The following ASH1L variants were observed in gnomAD, a reference collection of about 807,000 sequenced individuals.
The protein encoded by ASH1L is ASH1 like histone lysine methyltransferase, also known as histone-lysine N-methyltransferase ASH1L.
In ASH1L, 23 loss-of-function variants were observed where a neutral mutation model predicts 269.0. The ratio of observed to expected loss-of-function variants is 0.09; its 90% CI spans 0.06 to 0.12. The LOEUF (loss-of-function observed/expected upper bound fraction) is 0.12. Ranked by LOEUF, ASH1L falls within the 10% of genes least tolerant of loss-of-function variation. ASH1L has a pLI of 1.00. For synonymous variants in ASH1L, 1,187 were observed against 1,253.5 expected, an observed-to-expected ratio of 0.95 and a Z score of 1.12; for missense variants, 2,912 against 3,567.8, an observed-to-expected ratio of 0.82 and a Z score of 4.68.
rs566899442 is a variant in ASH1L, at chr1:155,441,486, G to A, written c.5087-2418C>T. 8.2e-5 allele frequency among the ~76,000 whole-genome samples: 9 copies of A among 110,006 alleles called. No homozygotes were observed. In the South Asian group the frequency reaches 2.6e-3, roughly 32 times the overall value. The allele number at this position is 110,006 out of a possible 152,430, so 72.2% of individuals were successfully genotyped here. ...TTTTTTTTTTTTTTTTTTTTGAGAC[G>A]GAGTCTTGCTCTGTCACCCAGGCTG... On this transcript the variant is annotated intron_variant, in intron 4 of 27. Transcript: ENST00000392403.
chr1:155,399,973 G>A (rs970358284), intron 6 of ASH1L, among the ~76,000 whole-genome samples: 1 of 152,122 alleles, frequency 6.6e-6, no homozygotes, highest in East Asian at 1.9e-4. Context: ...CACAAGATAA[G>A]GGTGGGACTT....
intron 6 of ASH1L, among the ~76,000 whole-genome samples, chr1:155,409,642 T>C (rs997570739): frequency 2.6e-5 from 4 of 152,164 alleles, no homozygotes; most frequent in Non-Finnish European, 4.4e-5. Flanking sequence ...TTTATTTTTA[T>C]TTTTGTAGAG....
intron 5 of ASH1L, among the ~76,000 whole-genome samples, chr1:155,429,519 T>G (rs1661447543): frequency 6.6e-6 from 1 of 152,134 alleles, no homozygotes; most frequent in Admixed American, 6.6e-5. Context: ...ACGCCTCGGC[T>G]TCCAAAATTG....
intron 25 of ASH1L, 89 bp from the exon 26 acceptor site, chr1:155,339,457 T>A: frequency 8.7e-7 from 1 of 1,145,792 alleles, no homozygotes; most frequent in Non-Finnish European, 1.3e-6. Context: ...AGGAACACAG[T>A]AGGGCAGTAG....
At chr1:155,500,472 C>T (rs571401430) in intron 2 of ASH1L, among the ~76,000 whole-genome samples, 207 of 152,174 alleles carry the variant, frequency 1.4e-3, no homozygotes, top group Non-Finnish European at 2.3e-3. Context: ...GGTCTTCTTG[C>T]TTGAATAGCA....
intron 7 of ASH1L, among the ~76,000 whole-genome samples, chr1:155,381,549 CA>C (rs879280343): frequency 4.2e-5 from 6 of 142,678 alleles, no homozygotes; most frequent in Non-Finnish European, 9.1e-5. Flanking sequence ...GACTCCGTCT[CA>C]AAAAAAAACA....
intron 4 of ASH1L, among the ~76,000 whole-genome samples, chr1:155,443,505 A>G (rs1662759891): frequency 6.6e-6 from 1 of 152,242 alleles, no homozygotes; most frequent in Non-Finnish European, 1.5e-5. Context: ...GAGTTTTGAA[A>G]AATTTACCAT....
At chr1:155,376,617 T>G (rs1287386915) in intron 10 of ASH1L, among the ~76,000 whole-genome samples, 1 of 152,038 alleles carries the variant, frequency 6.6e-6, no homozygotes, top group Admixed American at 6.6e-5. Flanking sequence ...AAGTGGAGGT[T>G]GCAGTGAGCT....
chr1:155,417,427 T>A (rs929399522), intron 5 of ASH1L, among the ~76,000 whole-genome samples: 6 of 152,186 alleles, frequency 3.9e-5, no homozygotes, highest in African/African-American at 1.4e-4. Flanking sequence ...TGGGTGTCTC[T>A]TTTAGTATAC....
intron 2 of ASH1L, among the ~76,000 whole-genome samples, chr1:155,517,642 AAAACAAAC>A (rs143180872): frequency 0.54 from 80,597 of 150,072 alleles, 24,309 homozygotes; most frequent in Middle Eastern, 0.68. Context: ...GACTCCATCT[AAAACAAAC>A]AAACAAACAA....
chr1:155,351,280 T>C (rs886357222), intron 17 of ASH1L, among the ~76,000 whole-genome samples: 6 of 150,168 alleles, frequency 4.0e-5, no homozygotes, highest in Non-Finnish European at 1.5e-5. Flanking sequence ...CGGGGCACAG[T>C]GGCTCACGCC....
chr1:155,535,683 A>G (rs946128805), intron 1 of ASH1L, among the ~76,000 whole-genome samples: 4 of 151,898 alleles, frequency 2.6e-5, no homozygotes, highest in African/African-American at 7.2e-5. Context: ...TAGCGACACA[A>G]GATTTTATTT....
intron 1 of ASH1L, among the ~76,000 whole-genome samples, chr1:155,538,752 C>A (rs1322246626): frequency 2.0e-5 from 3 of 151,218 alleles, no homozygotes; most frequent in African/African-American, 7.3e-5. Context: ...AAGGGATCCT[C>A]CCACCTCAGC....
Position 155,562,416 on chromosome 1 carries a change from GGCGGCGGGA to G in ASH1L, c.-372_-364del. On this transcript the variant is annotated 5_prime_UTR_variant, in exon 1 of 28. Coordinates refer to ENST00000392403, the MANE Select transcript of ASH1L (RefSeq NM_018489.3). ...CCCCTCCGCAAAGCGAACCCAAAAT[GGCGGCGGGA>G]GCGGCGGCGGCGGCGGCGGCAGCAG... 1 of 1,487,052 alleles carries G rather than the reference GGCGGCGGGA, an allele frequency of 6.7e-7. No homozygotes were observed. Among genetic ancestry groups the G allele is most frequent in the Non-Finnish European group, 9.1e-7 (1 of 1,096,156 alleles). 92.1% of individuals were successfully genotyped at this position (1,487,052 alleles called of 1,614,324 possible).
At chr1:155,471,098 T>C (rs998285728) in intron 3 of ASH1L, among the ~76,000 whole-genome samples, 1 of 152,232 alleles carries the variant, frequency 6.6e-6, no homozygotes, top group Non-Finnish European at 1.5e-5. Context: ...GAAAAAAGTA[T>C]ATTAAGTTTC....
intron 1 of ASH1L, among the ~76,000 whole-genome samples, chr1:155,534,828 G>A (rs1669938230): frequency 6.6e-6 from 1 of 152,112 alleles, no homozygotes; most frequent in Non-Finnish European, 1.5e-5. Flanking sequence ...TTTCTTTTTA[G>A]ATAAGTAAAC....
At chr1:155,520,736 C>T (rs1252135374) in intron 2 of ASH1L, among the ~76,000 whole-genome samples, 1 of 152,048 alleles carries the variant, frequency 6.6e-6, no homozygotes. Context: ...GTGGTGGGTG[C>T]CTGTAATCCC....
intron 5 of ASH1L, among the ~76,000 whole-genome samples, chr1:155,427,601 G>A (rs888374630): frequency 1.3e-4 from 19 of 151,916 alleles, no homozygotes; most frequent in African/African-American, 4.6e-4. Flanking sequence ...ACTGCGCCCG[G>A]CTAATTTTTC....
intron 3 of ASH1L, among the ~76,000 whole-genome samples, chr1:155,465,457 AT>A (rs1462616864): frequency 3.9e-5 from 6 of 152,308 alleles, no homozygotes; most frequent in Non-Finnish European, 5.9e-5. Context: ...CTAAGAAATC[AT>A]TTATATGAGT....
Sources: gnomAD v4.1 joint callset for allele counts (sites outside exome capture counted in the v4.1 genomes callset) on GRCh38, gnomAD v4.1.1 for gene constraint, MANE v1.5 for transcripts, NCBI Gene and HGNC (gene_info 2026-07-23, HGNC 2026-07-21) for gene names.